Variants in CTDP1 observed in about 807,000 individuals in gnomAD.
CTDP1 encodes CTD phosphatase 1.
Under a neutral mutation model 91.8 loss-of-function variants are expected in CTDP1, and 47 were observed. The ratio of observed to expected loss-of-function variants is 0.51; its 90% CI spans 0.41 to 0.65. CTDP1 has a LOEUF of 0.65. CTDP1 is among the 30% of genes least tolerant of loss of function. The probability of loss-of-function intolerance (pLI) is 0.00; values close to 1 mark genes in which losing one functional copy is unlikely to be tolerated. For synonymous variants in CTDP1, 656 were observed against 598.5 expected, an observed-to-expected ratio of 1.10 and a Z score of -1.40; for missense variants, 1,272 against 1,373.7, an observed-to-expected ratio of 0.93 and a Z score of 1.17.
chr18:79,745,320 C>CGTCCCTCCCGTGCGGGTTCTGTCCCTGT, intron 12 of CTDP1, among the ~76,000 whole-genome samples: 1 of 110,452 alleles, frequency 9.1e-6, no homozygotes, highest in Non-Finnish European at 1.8e-5. Flanking sequence ...TCTGTCCCTG[C>CGTCCCTCCCGTGCGGGTTCTGTCCCTGT]GTCCCTCCCG....
intron 11 of CTDP1, among the ~76,000 whole-genome samples, chr18:79,733,495 G>A (rs1028787114): frequency 1.3e-5 from 2 of 151,964 alleles, no homozygotes; most frequent in African/African-American, 2.4e-5. Flanking sequence ...CTGGGCCCCA[G>A]AGCCGGCGTC....
intron 12 of CTDP1, among the ~76,000 whole-genome samples, chr18:79,751,785 G>T (rs1237954405): frequency 6.6e-6 from 1 of 152,210 alleles, no homozygotes; most frequent in Non-Finnish European, 1.5e-5. Flanking sequence ...GTGTGTGTGT[G>T]TGGCTGTATC....
chr18:79,739,641 A>G (rs1224987873), intron 12 of CTDP1, among the ~76,000 whole-genome samples: 4 of 152,092 alleles, frequency 2.6e-5, no homozygotes, highest in Admixed American at 2.6e-4. Context: ...GGACCAGATC[A>G]GTACTGTAAT....
rs3833180 is a variant in CTDP1 at position 79,715,187 on chromosome 18, TGGAGGAGGAGGA to T, written c.1737_1748del (p.Glu579_Glu582del). On this transcript the variant is annotated inframe_deletion, in exon 8 of 13. Coordinates refer to ENST00000613122, the MANE Select transcript of CTDP1 (RefSeq NM_004715.5). ...GCGGGTGAGTCCCTGGACCAGAGCA[TGGAGGAGGAGGA>T]GGAGGAGGACACGGATGAGGATGAC... 6.2e-7 allele frequency: 1 copy of T among 1,610,320 alleles called. No individual in the cohort carries two copies. Among genetic ancestry groups the T allele is most frequent in the East Asian group, 2.2e-5 (1 of 44,528 alleles).
At position 79,695,975 on chromosome 18, in the gene CTDP1, A is replaced by G; in HGVS notation, c.399-2A>G. On this transcript the variant is annotated splice_acceptor_variant, in intron 2 of 12. Transcript: ENST00000613122. LOFTEE classifies it high-confidence loss of function. ...GCCCTGAACCTGTCCTTGCACTTGC[A>G]GGTTGCAGAGTAAGAACGGGAAGCA... The G allele has an allele frequency of 1.2e-6, 2 of 1,611,706 alleles. No homozygotes were observed. The highest frequency in any genetic ancestry group is 1.7e-6 in the Non-Finnish European group (2 of 1,179,550).
At chr18:79,698,078 G>A (rs2085784230) in intron 4 of CTDP1, 90 bp downstream of exon 4, 10 of 1,548,608 alleles carry the variant, frequency 6.5e-6, no homozygotes, top group Non-Finnish European at 2.6e-6. Context: ...TTTTTTAGAT[G>A]ATTTCCCGTA....
In CTDP1 at chr18:79,715,031, C is replaced by G. The variant is rs754387883; in HGVS notation, c.1571C>G (p.Pro524Arg). The G allele has an allele frequency of 3.7e-6, 6 of 1,604,960 alleles. No individual in the cohort carries two copies. The South Asian group carries it at 5.6e-5, about 15-fold the overall frequency. Reference protein sequence around the residue: ...PGEAEPGAHAPDKEPELGGQE... With the variant: ...PGEAEPGAHARDKEPELGGQE... ...GAGGCCGAGCCTGGCGCGCATGCCC[C>G]GGACAAGGAGCCTGAGCTGGGTGGG... Residue 524 changes from proline (P) to arginine (R), a missense_variant, in exon 8 of 13, where the codon CCG becomes CGG. Around this residue, in one of 3 missense-constraint regions of CTDP1, gnomAD observed 881 missense variants for 911.6 expected, o/e 0.97. Transcript: ENST00000613122.
chr18:79,700,249 A>T (rs1568182982), intron 4 of CTDP1, among the ~76,000 whole-genome samples: 1 of 152,230 alleles, frequency 6.6e-6, no homozygotes, highest in Non-Finnish European at 1.5e-5. Context: ...CAAAAGGTAG[A>T]CGTGATTATG....
chr18:79,719,075 C>G (rs1204966957), intron 10 of CTDP1, among the ~76,000 whole-genome samples: 1 of 152,220 alleles, frequency 6.6e-6, no homozygotes, highest in Non-Finnish European at 1.5e-5. Flanking sequence ...AGCTCCCGAA[C>G]CTGGGTGGAC....
chr18:79,679,842 G>T lies in CTDP1; in HGVS notation c.-106G>T. On this transcript the variant is annotated 5_prime_UTR_variant, in exon 1 of 13. Transcript: ENST00000613122. ...TAGGCGACGGGTGGAAGCCGGTACCGAGAGGAACTACAGCGTCGCCGCCTG... is the reference window on the plus strand; with the variant it reads ...TAGGCGACGGGTGGAAGCCGGTACCTAGAGGAACTACAGCGTCGCCGCCTG... The T allele has an allele frequency of 2.7e-6, 3 of 1,113,036 alleles. No homozygotes were observed. Among genetic ancestry groups the T allele is most frequent in the South Asian group, 1.6e-5 (1 of 62,000 alleles). 68.9% of individuals were successfully genotyped at this position (1,113,036 alleles called of 1,614,324 possible).
intron 10 of CTDP1, among the ~76,000 whole-genome samples, chr18:79,723,248 C>T (rs571577841): frequency 9.9e-4 from 151 of 152,230 alleles, no homozygotes; most frequent in Admixed American, 1.7e-3. Flanking sequence ...TTGCCCGATT[C>T]CCCCATGGCA....
intron 12 of CTDP1, among the ~76,000 whole-genome samples, chr18:79,742,181 TGAGAGAGAGA>T (rs35935192): frequency 1.9e-4 from 19 of 99,954 alleles, no homozygotes; most frequent in African/African-American, 2.8e-4. Flanking sequence ...GCATGAAGCA[TGAGAGAGAGA>T]GAGAGAGAGA....
chr18:79,749,180 C>T (rs1466503044), intron 12 of CTDP1, among the ~76,000 whole-genome samples: 3 of 152,226 alleles, frequency 2.0e-5, no homozygotes, highest in South Asian at 4.1e-4. Flanking sequence ...AACTCTGCCA[C>T]GGATGGCTTC....
At chr18:79,749,244 G>A (rs1434303287) in intron 12 of CTDP1, among the ~76,000 whole-genome samples, 1 of 152,024 alleles carries the variant, frequency 6.6e-6, no homozygotes, top group African/African-American at 2.4e-5. Context: ...TGCACCTCTC[G>A]CCCTCCCCCT....
At chr18:79,730,970 C>T (rs2086554085) in intron 11 of CTDP1, among the ~76,000 whole-genome samples, 1 of 152,226 alleles carries the variant, frequency 6.6e-6, no homozygotes, top group Non-Finnish European at 1.5e-5. Flanking sequence ...GCCTGACAGC[C>T]TCGTCTCACA....
chr18:79,753,293 C>T (rs151092803), intron 12 of CTDP1, among the ~76,000 whole-genome samples: 56 of 152,368 alleles, frequency 3.7e-4, no homozygotes, highest in African/African-American at 1.3e-3. Flanking sequence ...TCACATAACA[C>T]TAATAGTTAC....
chr18:79,692,629 A>T (rs2085648699), intron 1 of CTDP1, among the ~76,000 whole-genome samples: 1 of 152,168 alleles, frequency 6.6e-6, no homozygotes, highest in African/African-American at 2.4e-5. Context: ...CAGGGGGTAG[A>T]GCAAGGAGGA....
At chr18:79,710,576 A>G in intron 6 of CTDP1, 140 bp downstream of exon 6, 1 of 662,400 alleles carries the variant, frequency 1.5e-6, no homozygotes, top group South Asian at 1.5e-5. Flanking sequence ...GCTAGAGTGC[A>G]GTGGCGCGAT....
chr18:79,713,972 T>C lies in CTDP1; in HGVS notation c.1031-519T>C, dbSNP rs1331595291. ...GGCTTACGGCCACGGTGGCGCCAGG[T>C]CTGCAGGGGCTTACGGCCACGGTGG... On this transcript the variant is annotated intron_variant, in intron 7 of 12. Coordinates refer to ENST00000613122, the MANE Select transcript of CTDP1 (RefSeq NM_004715.5). This position sits in a 1 kb window ranked among gnomAD's most constrained non-coding sequence, Gnocchi z 4.7. 2.3e-3 allele frequency among the ~76,000 whole-genome samples: 246 copies of C among 108,044 alleles called. 6 individuals are homozygous for C. Among genetic ancestry groups the C allele is most frequent in the African/African-American group, 7.2e-3 (230 of 31,900 alleles). 70.9% of individuals were successfully genotyped at this position (108,044 alleles called of 152,430 possible).
Sources: allele counts gnomAD v4.1 joint callset (sites outside exome capture counted in the v4.1 genomes callset), GRCh38; gene constraint gnomAD v4.1.1; regional missense constraint gnomAD v4.1.1; non-coding constraint Gnocchi (gnomAD v3.1); transcripts MANE v1.5; gene names NCBI Gene and HGNC (gene_info 2026-07-23, HGNC 2026-07-21).